Variants in HEATR3 observed in about 807,000 individuals in gnomAD.
HEATR3 encodes the protein HEAT repeat containing 3, also known as HEAT repeat-containing protein 3.
HEATR3 carries 56 observed loss-of-function variants against 72.8 expected under a neutral mutation model. That is an observed-to-expected ratio of 0.77 (90% CI 0.62 to 0.96). The LOEUF (loss-of-function observed/expected upper bound fraction) is 0.96, where lower values mean the gene tolerates loss of function less well. Among genes scored for constraint, HEATR3 ranks in the 40% least tolerant of loss-of-function variants. The probability of loss-of-function intolerance (pLI) is 0.00; values close to 1 mark genes in which losing one functional copy is unlikely to be tolerated. For synonymous variants in HEATR3, 331 were observed against 318.1 expected (o/e 1.04, Z -0.43); for missense variants, 747 against 831.4 (o/e 0.90, Z 1.25).
intron 2 of HEATR3, among the ~76,000 whole-genome samples, chr16:50,067,276 G>C (rs991118522): frequency 6.6e-6 from 1 of 151,850 alleles, no homozygotes; most frequent in Non-Finnish European, 1.5e-5. Flanking sequence ...AATCGCTTGA[G>C]CCCAGGAGTT....
rs1267927589 is a variant in HEATR3, at chr16:50,105,036, C to G, written c.2018C>G (p.Thr673Ser). ...NLRRFIAYQETVEKRLTS is the reference protein window; with the variant it reads ...NLRRFIAYQESVEKRLTS ...CGAAGATTTATTGCTTATCAAGAAA[C>G]TGTTGAGAAAAGACTGACTTCTTAA... Residue 673 changes from threonine to serine, a missense_variant, in exon 15 of 15, where the codon ACT (threonine) becomes AGT (serine). Physicochemically the swap from Thr to Ser is moderately conservative, Grantham distance 58. This residue lies in a region of HEATR3 where 586 missense variants were observed against 708.8 expected (regional missense o/e 0.83). Transcript: ENST00000299192. The G allele has an allele frequency of 6.2e-7, 1 of 1,612,282 alleles. No individual in the cohort carries two copies. The highest frequency in any genetic ancestry group is 8.5e-7 in the Non-Finnish European group (1 of 1,179,580).
chr16:50,096,126 A>T (rs1436380691), intron 12 of HEATR3, among the ~76,000 whole-genome samples: 1 of 151,810 alleles, frequency 6.6e-6, no homozygotes, highest in East Asian at 2.0e-4. Flanking sequence ...GGAAGTCAAG[A>T]CCAGCCTGGC....
intron 7 of HEATR3, among the ~76,000 whole-genome samples, chr16:50,083,396 T>A (rs1391378900): frequency 5.9e-5 from 9 of 152,072 alleles, no homozygotes; most frequent in Non-Finnish European, 1.3e-4. Flanking sequence ...AGAGAAATGC[T>A]TTATTATAGT....
In HEATR3 at chr16:50,072,710, A is replaced by G. The variant is rs781088526; in HGVS notation, c.618A>G (p.Ser206=). 1.0e-5 allele frequency: 16 copies of G among 1,543,906 alleles called. No individual in the cohort carries two copies. The highest frequency in any genetic ancestry group is 1.7e-5 in the Admixed American group (1 of 59,760). ...RFPTNVDLAI[S]VAYCLQTVTE... ...CTACCAATGTTGACCTGGCTATTTC[A>G]GTAGGTAAGTGAAGAAAAGGTGATG... Residue 206 remains serine (S), a synonymous_variant, in exon 5 of 15, where the codon TCA becomes TCG. Transcript: ENST00000299192.
intron 6 of HEATR3, among the ~76,000 whole-genome samples, chr16:50,078,430 T>C (rs879924398): frequency 1.3e-5 from 2 of 152,180 alleles, no homozygotes; most frequent in Non-Finnish European, 2.9e-5. Flanking sequence ...TAGGTTACAA[T>C]GAAAGAAAGT....
intron 11 of HEATR3, among the ~76,000 whole-genome samples, chr16:50,086,861 G>A (rs1567438306): frequency 6.6e-6 from 1 of 152,104 alleles, no homozygotes; most frequent in Non-Finnish European, 1.5e-5. Flanking sequence ...CCCAGGAGGT[G>A]GGGATTGCAG....
intron 10 of HEATR3, among the ~76,000 whole-genome samples, chr16:50,085,527 A>G (rs1451035792): frequency 6.6e-6 from 1 of 152,064 alleles, no homozygotes; most frequent in East Asian, 1.9e-4. Context: ...CTAGCTACTT[A>G]GGAGGCTGAA....
chr16:50,066,415 G>T lies in HEATR3; in HGVS notation c.187G>T (p.Ala63Ser), dbSNP rs770707817. ...CCGCGAGTGCGCCTGCGCAGGGCTGGCCCGGCTGGTGCAGCAGCGGCCGGC... is the reference window on the plus strand; with the variant it reads ...CCGCGAGTGCGCCTGCGCAGGGCTGTCCCGGCTGGTGCAGCAGCGGCCGGC... ...EVRECACAGL[A>S]RLVQQRPALP... The change falls in exon 2 of 15, where the codon GCC becomes TCC. Residue 63 changes from alanine to serine, a missense_variant. Transcript: ENST00000299192. 14 of 1,520,608 alleles carry T rather than the reference G, an allele frequency of 9.2e-6. No homozygotes were observed. The highest frequency in any genetic ancestry group is 1.2e-5 in the Non-Finnish European group (14 of 1,147,338). The allele number at this position is 1,520,608 out of a possible 1,614,324, so 94.2% of individuals were successfully genotyped here.
intron 11 of HEATR3, among the ~76,000 whole-genome samples, chr16:50,093,276 A>G (rs1007304735): frequency 4.6e-5 from 7 of 152,186 alleles, no homozygotes; most frequent in Non-Finnish European, 7.4e-5. Flanking sequence ...TTGCTACGTA[A>G]CAAGTTATTC....
Position 50,082,068 on chromosome 16 carries a change from A to G in HEATR3, c.1042-1869A>G, listed in dbSNP as rs2036878520. Among the ~76,000 whole-genome samples the G allele has an allele frequency of 2.0e-5, 3 of 152,100 alleles. No homozygotes were observed. In the South Asian group the frequency reaches 6.2e-4, roughly 32 times the overall value. On this transcript the variant is annotated intron_variant, in intron 7 of 14. Transcript: ENST00000299192. ...TTTTAAGCCAGATCTTCGGCTGGGC[A>G]TGGTGGCTCACGCCTGTAATCCCAG...
intron 6 of HEATR3, among the ~76,000 whole-genome samples, chr16:50,077,933 G>A (rs1048366645): frequency 1.4e-5 from 2 of 143,076 alleles, no homozygotes; most frequent in African/African-American, 5.3e-5. Context: ...CTGGAGTGCA[G>A]TGGCAAGATC....
chr16:50,079,115 T>C (rs2036809528), intron 7 of HEATR3, 97 bp downstream of exon 7: 1 of 1,261,918 alleles, frequency 7.9e-7, no homozygotes, highest in Middle Eastern at 2.8e-4. Flanking sequence ...ATAGCAAAAT[T>C]AGCTATAAAG....
At chr16:50,099,865 A>G (rs1346558304) in intron 12 of HEATR3, among the ~76,000 whole-genome samples, 14 of 152,190 alleles carry the variant, frequency 9.2e-5, no homozygotes, top group Admixed American at 7.2e-4. Context: ...GACTCAGCCA[A>G]TTTTTTTAAA....
rs2037279318 is a variant in HEATR3 at position 50,097,905 on chromosome 16, A to G, written c.1600-2325A>G. Among the ~76,000 whole-genome samples the G allele has an allele frequency of 2.0e-5, 3 of 150,390 alleles. No individual in the cohort carries two copies. In the South Asian group the frequency reaches 6.4e-4, roughly 32 times the overall value. Reference sequence around the variant, plus strand: ...CCAGCCTGGGTGACAAGAGTGTGACAAGAGTGAAACTCCGTCTCAAAAAAA... The same window carrying G: ...CCAGCCTGGGTGACAAGAGTGTGACGAGAGTGAAACTCCGTCTCAAAAAAA... On this transcript the variant is annotated intron_variant, in intron 12 of 14. Transcript: ENST00000299192.
At chr16:50,092,816 G>T (rs977735695) in intron 11 of HEATR3, among the ~76,000 whole-genome samples, 1 of 152,168 alleles carries the variant, frequency 6.6e-6, no homozygotes, top group Admixed American at 6.5e-5. Context: ...GGATGCAGGC[G>T]TGAACAAGAT....
At chr16:50,073,476 T>G (rs146108162) in intron 5 of HEATR3, 24 of 152,340 alleles carry the variant, frequency 1.6e-4, no homozygotes, top group African/African-American at 4.3e-4. Context: ...CTGTTTTTCT[T>G]GACTCTAATG....
At chr16:50,084,740 A>G (rs2150610705) in intron 10 of HEATR3, 89 bp downstream of exon 10, 1 of 930,210 alleles carries the variant, frequency 1.1e-6, no homozygotes, top group Non-Finnish European at 1.6e-6. Flanking sequence ...GACTCCCCCT[A>G]GGACCCAGAA....
At chr16:50,090,279 A>G (rs1181628142) in intron 11 of HEATR3, among the ~76,000 whole-genome samples, 2 of 151,988 alleles carry the variant, frequency 1.3e-5, no homozygotes, top group Non-Finnish European at 2.9e-5. Flanking sequence ...GCTTGAGCCC[A>G]GGAGGTCAAG....
At position 50,094,722 on chromosome 16, in the gene HEATR3, G is replaced by A. The variant is rs540139290; in HGVS notation, c.1528G>A (p.Asp510Asn). The A allele has an allele frequency of 5.1e-6, 8 of 1,567,120 alleles. No individual in the cohort carries two copies. The East Asian group carries it at 1.8e-4, about 36-fold the overall frequency. ...TGTTTTAGATTTTGCTAAACATGTT[G>A]ACTTTCTAGAAGCCATAAGTAGTGC... ...FSQPDFAKHVDFLEAISSALR... is the reference protein window; with the variant it reads ...FSQPDFAKHVNFLEAISSALR... The change falls in exon 12 of 15, where the codon GAC becomes AAC. Residue 510 changes from aspartate to asparagine, a missense_variant. By Grantham distance (23) the Asp-to-Asn change is conservative. Around this residue, in one of 2 missense-constraint regions of HEATR3, gnomAD observed 586 missense variants for 708.8 expected, o/e 0.83. Coordinates refer to ENST00000299192, the MANE Select transcript of HEATR3 (RefSeq NM_182922.4).
Sources: gnomAD v4.1 joint callset for allele counts (sites outside exome capture counted in the v4.1 genomes callset) on GRCh38, gnomAD v4.1.1 for gene constraint, gnomAD v4.1.1 regional missense constraint, MANE v1.5 for transcripts, NCBI Gene and HGNC (gene_info 2026-07-23, HGNC 2026-07-21) for gene names.